GABPB1: variants seen among roughly 807,000 people sequenced by gnomAD.
GABPB1 encodes the protein GA binding protein transcription factor subunit beta 1.
GABPB1 carries 15 observed loss-of-function variants against 45.9 expected under a neutral mutation model. The observed-to-expected ratio is 0.33, with a 90% CI of 0.22 to 0.50. The LOEUF (loss-of-function observed/expected upper bound fraction) is 0.50, where lower values mean the gene tolerates loss of function less well. Among genes scored for constraint, GABPB1 ranks in the 20% least tolerant of loss-of-function variants. The probability of loss-of-function intolerance (pLI) is 0.98; values close to 1 mark genes in which losing one functional copy is unlikely to be tolerated. For synonymous variants in GABPB1, 143 were observed against 154.4 expected (o/e 0.93, Z 0.55); for missense variants, 252 against 457.5 (o/e 0.55, Z 4.10).
chr15:50,326,835 T>TAA (rs538288354), intron 1 of GABPB1, among the ~76,000 whole-genome samples: 125 of 145,202 alleles, frequency 8.6e-4, no homozygotes, highest in African/African-American at 3.0e-3. Flanking sequence ...CCCCCGTCTT[T>TAA]AAAAAAAAAA....
intron 6 of GABPB1, among the ~76,000 whole-genome samples, chr15:50,297,336 C>T (rs892656291): frequency 5.9e-5 from 9 of 152,014 alleles, no homozygotes; most frequent in African/African-American, 2.2e-4. Flanking sequence ...CCTCAGCCTC[C>T]CCAGTAGCTG....
At chr15:50,305,089 G>A (rs2046895507) in intron 2 of GABPB1, among the ~76,000 whole-genome samples, 2 of 152,056 alleles carry the variant, frequency 1.3e-5, no homozygotes, top group East Asian at 1.9e-4. Context: ...TAAAATGTGA[G>A]GGAAGGAAGA....
At chr15:50,329,345 C>T (rs1335653009) in intron 1 of GABPB1, among the ~76,000 whole-genome samples, 1 of 152,128 alleles carries the variant, frequency 6.6e-6, no homozygotes, top group African/African-American at 2.4e-5. Flanking sequence ...ATTTATAATT[C>T]AGGTTCAAAA....
At chr15:50,284,980 T>G (rs2046105098) in intron 8 of GABPB1, among the ~76,000 whole-genome samples, 1 of 152,170 alleles carries the variant, frequency 6.6e-6, no homozygotes, top group African/African-American at 2.4e-5. Context: ...TAACCAGATT[T>G]TTTAAACTCA....
intron 6 of GABPB1, among the ~76,000 whole-genome samples, chr15:50,300,356 G>A (rs761664150): frequency 5.6e-4 from 85 of 151,284 alleles, no homozygotes; most frequent in African/African-American, 1.8e-3. Flanking sequence ...CTTCAGCCGG[G>A]TGTAATCTCA....
chr15:50,333,947 T>C (rs549048346), intron 1 of GABPB1, among the ~76,000 whole-genome samples: 1 of 151,440 alleles, frequency 6.6e-6, no homozygotes, highest in Non-Finnish European at 1.5e-5. Context: ...GGAGAATTGC[T>C]TGAACCCAGA....
chr15:50,291,274 A>G (rs1481552138), intron 6 of GABPB1, among the ~76,000 whole-genome samples: 1 of 152,158 alleles, frequency 6.6e-6, no homozygotes, highest in African/African-American at 2.4e-5. Context: ...CCTCACTTCA[A>G]TAAGAAAGCA....
At chr15:50,329,224 C>T (rs1396439477) in intron 1 of GABPB1, among the ~76,000 whole-genome samples, 1 of 152,130 alleles carries the variant, frequency 6.6e-6, no homozygotes, top group African/African-American at 2.4e-5. Context: ...GAGCTCACAT[C>T]TACCAAGATG....
intron 8 of GABPB1, among the ~76,000 whole-genome samples, chr15:50,283,399 A>C (rs2046052602): frequency 6.6e-6 from 1 of 152,112 alleles, no homozygotes; most frequent in Non-Finnish European, 1.5e-5. Context: ...ATGCAGATGT[A>C]AAGCCCCACA....
intron 1 of GABPB1, among the ~76,000 whole-genome samples, chr15:50,321,656 T>C (rs8039829): frequency 0.63 from 93,602 of 149,762 alleles, 30,204 homozygotes; most frequent in African/African-American, 0.76. Flanking sequence ...GAGCCGAGAT[T>C]CCGCCATTGC....
At chr15:50,326,677 A>G (rs1260470780) in intron 1 of GABPB1, among the ~76,000 whole-genome samples, 1 of 151,964 alleles carries the variant, frequency 6.6e-6, no homozygotes, top group African/African-American at 2.4e-5. Flanking sequence ...AAAAAATGAA[A>G]AACAAAAATT....
At chr15:50,342,177 T>G (rs970110500) in intron 1 of GABPB1, among the ~76,000 whole-genome samples, 1 of 152,202 alleles carries the variant, frequency 6.6e-6, no homozygotes, top group African/African-American at 2.4e-5. Context: ...TCCCTTGACC[T>G]CAGCAAAATG....
chr15:50,282,219 AC>A (rs1043402158), intron 8 of GABPB1: 5 of 440,912 alleles, frequency 1.1e-5, no homozygotes, highest in Admixed American at 2.6e-5. Context: ...ATAAATAAAT[AC>A]AAACATACAT....
At chr15:50,306,974 T>G (rs2046971934) in intron 2 of GABPB1, among the ~76,000 whole-genome samples, 1 of 152,152 alleles carries the variant, frequency 6.6e-6, no homozygotes, top group Non-Finnish European at 1.5e-5. Flanking sequence ...GATGAACATT[T>G]AGATTGTTTC....
At chr15:50,332,840 T>G (rs1251498227) in intron 1 of GABPB1, among the ~76,000 whole-genome samples, 1 of 152,152 alleles carries the variant, frequency 6.6e-6, no homozygotes, top group Non-Finnish European at 1.5e-5. Flanking sequence ...TTGTTTTTAA[T>G]CCATTAGACA....
At chr15:50,335,793 G>A (rs2048098254) in intron 1 of GABPB1, among the ~76,000 whole-genome samples, 1 of 151,170 alleles carries the variant, frequency 6.6e-6, no homozygotes, top group South Asian at 2.1e-4. Context: ...CTACTCAGAA[G>A]GCTGAGGCAG....
Position 50,304,113 on chromosome 15 carries a change from A to G in GABPB1, c.129T>C (p.His43=). ...TTDWLGTSPL[H]LAAQYGHYST... ...AATAATGACCATACTGTGCTGCTAG[A>G]TGAAGTGGAGAAGTTCCCAGCTGTA... The change falls in exon 3 of 9, where the codon CAT becomes CAC. Residue 43 remains histidine (H), a synonymous_variant. Coordinates refer to ENST00000380877, the MANE Select transcript of GABPB1 (RefSeq NM_016654.5). 6.3e-7 allele frequency: 1 copy of G among 1,598,148 alleles called. No homozygotes were observed. Among genetic ancestry groups the G allele is most frequent in the Non-Finnish European group, 8.5e-7 (1 of 1,174,338 alleles).
At chr15:50,332,377 T>A (rs929347157) in intron 1 of GABPB1, among the ~76,000 whole-genome samples, 7 of 152,210 alleles carry the variant, frequency 4.6e-5, no homozygotes, top group African/African-American at 1.7e-4. Context: ...CTATAGATTT[T>A]AAAAGACATA....
intron 1 of GABPB1, among the ~76,000 whole-genome samples, chr15:50,336,714 A>T (rs1260752680): frequency 6.6e-6 from 1 of 152,002 alleles, no homozygotes; most frequent in African/African-American, 2.4e-5. Flanking sequence ...CATATTTAAA[A>T]ACTTAAGAAA....
Sources: allele counts gnomAD v4.1 joint callset (sites outside exome capture counted in the v4.1 genomes callset), GRCh38; gene constraint gnomAD v4.1.1; transcripts MANE v1.5; gene names NCBI Gene and HGNC (gene_info 2026-07-23, HGNC 2026-07-21).